The following RRAGD variants were observed in gnomAD, a reference collection of about 807,000 sequenced individuals.
RRAGD encodes Ras related GTP binding D.
RRAGD carries 12 observed loss-of-function variants against 35.5 expected under a neutral mutation model. The observed-to-expected ratio is 0.34, with a 90% CI of 0.22 to 0.55. The LOEUF is 0.55. Among genes scored for constraint, RRAGD ranks in the 20% least tolerant of loss-of-function variants. RRAGD has a pLI of 0.91. For missense variants in RRAGD, 324 were observed against 490.1 expected, an observed-to-expected ratio of 0.66 and a Z score of 3.20; for synonymous variants, 155 against 178.9, an observed-to-expected ratio of 0.87 and a Z score of 1.07.
chr6:89,381,381 A>C (rs1769039942), intron 2 of RRAGD, among the ~76,000 whole-genome samples: 1 of 152,150 alleles, frequency 6.6e-6, no homozygotes, highest in African/African-American at 2.4e-5. Flanking sequence ...TCTTCTTCCC[A>C]TGCCTATATA....
chr6:89,395,633 C>T (rs1490948734), intron 1 of RRAGD, among the ~76,000 whole-genome samples: 1 of 152,188 alleles, frequency 6.6e-6, no homozygotes, highest in Non-Finnish European at 1.5e-5. Context: ...TTCAACTCCA[C>T]ATTTTCTCTT....
intron 1 of RRAGD, among the ~76,000 whole-genome samples, chr6:89,405,971 T>G (rs1463037871): frequency 1.3e-5 from 2 of 152,222 alleles, no homozygotes; most frequent in African/African-American, 4.8e-5. Flanking sequence ...GAAGATTCAC[T>G]GTCCATTTGA....
At chr6:89,389,262 G>A (rs1483815071) in intron 1 of RRAGD, among the ~76,000 whole-genome samples, 4 of 152,110 alleles carry the variant, frequency 2.6e-5, no homozygotes, top group Non-Finnish European at 4.4e-5. Flanking sequence ...CTGGATAAAA[G>A]TAGGAGTTGG....
At position 89,412,201 on chromosome 6, in the gene RRAGD, C is replaced by T; in HGVS notation, c.-208G>A. Reference sequence around the variant, plus strand: ...CCAGCGCGCCCGAAGCCCCCTCCCCCGCCCCGCCCGCCGGCGGAGGAGTCA... The same window carrying T: ...CCAGCGCGCCCGAAGCCCCCTCCCCTGCCCCGCCCGCCGGCGGAGGAGTCA... On this transcript the variant is annotated 5_prime_UTR_variant, in exon 1 of 7. Coordinates refer to ENST00000369415, the MANE Select transcript of RRAGD (RefSeq NM_021244.5). This position sits in a 1 kb window ranked among gnomAD's most constrained non-coding sequence, Gnocchi z 4.2. 3.1e-6 allele frequency: 1 copy of T among 317,664 alleles called. No individual in the cohort carries two copies. Among genetic ancestry groups the T allele is most frequent in the Non-Finnish European group, 5.6e-6 (1 of 178,420 alleles). 19.7% of individuals were successfully genotyped at this position (317,664 alleles called of 1,614,324 possible).
Position 89,387,572 on chromosome 6 carries a change from G to C in RRAGD, c.167C>G (p.Pro56Arg), listed in dbSNP as rs1245279366. 1 of 1,613,072 alleles carries C rather than the reference G, an allele frequency of 6.2e-7. No individual in the cohort carries two copies. The highest frequency in any genetic ancestry group is 1.7e-5 in the Admixed American group (1 of 59,896). Residue 56 changes from proline (P) to arginine (R), a missense_variant, in exon 2 of 7, where the codon CCC becomes CGC. By Grantham distance (103) the Pro-to-Arg change is moderately radical. This residue lies in a region of RRAGD where 96 missense variants were observed against 78.7 expected (regional missense o/e 1.22). Coordinates refer to ENST00000369415, the MANE Select transcript of RRAGD (RefSeq NM_021244.5). ...TEEGVLDFSD[P>R]FSTEVKPRIL... ...TCTCGGCTTCACTTCAGTGCTGAAG[G>C]GGTCACTGAAGTCCAGAACTGGAGA...
At chr6:89,369,150 T>C (rs1229745438) in intron 6 of RRAGD, among the ~76,000 whole-genome samples, 1 of 152,092 alleles carries the variant, frequency 6.6e-6, no homozygotes, top group Non-Finnish European at 1.5e-5. Context: ...ACCGTCTCGG[T>C]TTCCAGGAGC....
At position 89,411,854 on chromosome 6, in the gene RRAGD, T is replaced by C; in HGVS notation, c.140A>G (p.Glu47Gly). 1 of 1,551,888 alleles carries C rather than the reference T, an allele frequency of 6.4e-7. No individual in the cohort carries two copies. Residue 47 changes from glutamate (E) to glycine (G), a missense_variant, in exon 1 of 7, where the codon GAG becomes GGG. Around this residue, in one of 5 missense-constraint regions of RRAGD, gnomAD observed 96 missense variants for 78.7 expected, o/e 1.22. Transcript: ENST00000369415. This position sits in a 1 kb window ranked among gnomAD's most constrained non-coding sequence, Gnocchi z 5.6. ...SSDADPDSGT[E>G]EGVLDFSDPF... ...GGGGGCCGGGCGCTCACCTCCCTCC[T>C]CTGTGCCGCTGTCCGGATCGGCGTC... is the stretch of plus-strand genomic sequence containing the variant.
intron 1 of RRAGD, among the ~76,000 whole-genome samples, chr6:89,398,290 T>C (rs957716580): frequency 1.3e-5 from 2 of 152,246 alleles, no homozygotes; most frequent in Non-Finnish European, 2.9e-5. Context: ...TGCATATATA[T>C]GTGAAAACGT....
intron 1 of RRAGD, among the ~76,000 whole-genome samples, chr6:89,408,867 G>A (rs1769641069): frequency 6.6e-6 from 1 of 152,036 alleles, no homozygotes; most frequent in Non-Finnish European, 1.5e-5. Context: ...CATTATTTTT[G>A]GTGCAATTGT....
rs1768788365 is a variant in RRAGD at position 89,368,197 on chromosome 6, G to A, written c.1062C>T (p.Asp354=). The change falls in exon 7 of 7, where the codon GAC becomes GAT. Residue 354 remains aspartate (D), a synonymous_variant. Transcript: ENST00000369415. ...CCTTCCGGAAGCAATGAAAATTATAGTCAATTAGCCCTGGAGAAGAGAACA... is the reference window on the plus strand; with the variant it reads ...CCTTCCGGAAGCAATGAAAATTATAATCAATTAGCCCTGGAGAAGAGAACA... The part of the protein sequence containing the change: ...EESFERKGLI[D]YNFHCFRKAI... The A allele has an allele frequency of 6.2e-7, 1 of 1,612,952 alleles. No homozygotes were observed. Among genetic ancestry groups the A allele is most frequent in the Non-Finnish European group, 8.5e-7 (1 of 1,179,690 alleles).
chr6:89,370,591 G>A (rs533716298), intron 6 of RRAGD, among the ~76,000 whole-genome samples: 5 of 152,148 alleles, frequency 3.3e-5, no homozygotes, highest in Non-Finnish European at 7.4e-5. Flanking sequence ...TTTTTCCTTA[G>A]GAAACAACCA....
chr6:89,405,374 A>AG (rs1554205248), intron 1 of RRAGD, among the ~76,000 whole-genome samples: 181 of 149,514 alleles, frequency 1.2e-3, no homozygotes, highest in African/African-American at 4.0e-3. Flanking sequence ...AAAAAAAAAA[A>AG]AGAGATAACA....
Position 89,367,834 on chromosome 6 carries a change from AT to A in RRAGD, c.*221del. The A allele has an allele frequency of 2.6e-6, 1 of 389,584 alleles. No individual in the cohort carries two copies. Among genetic ancestry groups the A allele is most frequent in the Non-Finnish European group, 4.5e-6 (1 of 221,024 alleles). 24.1% of individuals were successfully genotyped at this position (389,584 alleles called of 1,614,324 possible). A position where few individuals can be genotyped will look rare whatever the true frequency, so the allele number is the denominator to read the frequency against. ...TAAAAGTTTACATTTGTGTAATGAA[AT>A]GACAATGGATTTCACATCACTGTTA... is the stretch of plus-strand genomic sequence containing the variant. On this transcript the variant is annotated 3_prime_UTR_variant, in exon 7 of 7. Coordinates refer to ENST00000369415, the MANE Select transcript of RRAGD (RefSeq NM_021244.5).
In RRAGD at chr6:89,375,900, C is replaced by CT. The variant is rs1395555749; in HGVS notation, c.902+1770dup. Among the ~76,000 whole-genome samples, 3 of 152,228 alleles carry CT rather than the reference C, an allele frequency of 2.0e-5. No individual in the cohort carries two copies. In the East Asian group the frequency reaches 5.8e-4, roughly 29 times the overall value. ...TTGTTTTAGCTGGGTAAAAGTAACT[C>CT]TGATTAACATCATTTACATGAACAA... On this transcript the variant is annotated intron_variant, in intron 5 of 6. Transcript: ENST00000369415.
intron 5 of RRAGD, among the ~76,000 whole-genome samples, chr6:89,375,909 A>G (rs574844175): frequency 6.6e-6 from 1 of 152,338 alleles, no homozygotes; most frequent in South Asian, 2.1e-4. Flanking sequence ...TCTGATTAAC[A>G]TCATTTACAT....
intron 1 of RRAGD, among the ~76,000 whole-genome samples, chr6:89,388,413 G>A (rs1005791704): frequency 6.6e-6 from 1 of 152,088 alleles, no homozygotes; most frequent in African/African-American, 2.4e-5. Context: ...GGAGATGGAT[G>A]GTGGTGAGGG....
chr6:89,410,363 A>C (rs889590511), intron 1 of RRAGD, among the ~76,000 whole-genome samples: 1 of 152,208 alleles, frequency 6.6e-6, no homozygotes, highest in African/African-American at 2.4e-5. Context: ...CCTATTCTGC[A>C]TCTCTCCGGA....
At chr6:89,408,717 A>C (rs1347663567) in intron 1 of RRAGD, among the ~76,000 whole-genome samples, 1 of 152,152 alleles carries the variant, frequency 6.6e-6, no homozygotes, top group African/African-American at 2.4e-5. Flanking sequence ...AGTTTCTCCT[A>C]AAAAATGGGA....
intron 1 of RRAGD, among the ~76,000 whole-genome samples, chr6:89,406,358 G>A (rs1440124410): frequency 6.6e-6 from 1 of 152,162 alleles, no homozygotes; most frequent in African/African-American, 2.4e-5. Context: ...ACCGTGGCCT[G>A]CCACATCCCC....
Sources: gnomAD v4.1 joint callset for allele counts (sites outside exome capture counted in the v4.1 genomes callset) on GRCh38, gnomAD v4.1.1 for gene constraint, gnomAD v4.1.1 regional missense constraint, Gnocchi (gnomAD v3.1) non-coding constraint, MANE v1.5 for transcripts, NCBI Gene and HGNC (gene_info 2026-07-23, HGNC 2026-07-21) for gene names.